The following TDRKH variants were observed in gnomAD, a reference collection of about 807,000 sequenced individuals.
The protein encoded by TDRKH is tudor and KH domain containing.
Under a neutral mutation model 61.3 loss-of-function variants are expected in TDRKH, and 28 were observed. The observed-to-expected ratio is 0.46, with a 90% CI of 0.34 to 0.63. The LOEUF (loss-of-function observed/expected upper bound fraction) is 0.63. TDRKH is among the 20% of genes least tolerant of loss of function. The probability of loss-of-function intolerance (pLI) is 0.01; values close to 1 mark genes in which losing one functional copy is unlikely to be tolerated. For missense variants in TDRKH, 540 were observed against 683.4 expected (o/e 0.79, Z 2.34); for synonymous variants, 219 against 244.4 (o/e 0.90, Z 0.97).
In TDRKH at chr1:151,779,839, T is replaced by C. The variant is rs534424649; in HGVS notation, c.421+112A>G. ...AACCTCTGGTCTCAATGTCCCTTTTTTTCCCCTCACATGGTGAAGGGGAAC... is the reference window on the plus strand; with the variant it reads ...AACCTCTGGTCTCAATGTCCCTTTTCTTCCCCTCACATGGTGAAGGGGAAC... On this transcript the variant is annotated intron_variant, in intron 4 of 12. Coordinates refer to ENST00000368824, the MANE Select transcript of TDRKH (RefSeq NM_001083965.2). The C allele has an allele frequency of 5.2e-6, 6 of 1,157,078 alleles. No individual in the cohort carries two copies. In the East Asian group the frequency reaches 1.2e-4, roughly 23 times the overall value. 71.7% of individuals were successfully genotyped at this position (1,157,078 alleles called of 1,614,324 possible).
chr1:151,774,779 T>G lies in TDRKH; in HGVS notation c.1564A>C (p.Thr522Pro). 6.2e-7 allele frequency: 1 copy of G among 1,614,184 alleles called. No homozygotes were observed. The highest frequency in any genetic ancestry group is 8.5e-7 in the Non-Finnish European group (1 of 1,180,018). Residue 522 changes from threonine (T) to proline (P), a missense_variant, in exon 12 of 13, where the codon ACG becomes CCG. Transcript: ENST00000368824. ...MATETDASLS[T>P]LLTETKKSSG... Reference sequence around the variant, plus strand: ...CTCTTTTTGGTCTCAGTGAGCAACGTGCTGAGAGAGGCATCTGTTTCTGTG... The same window carrying G: ...CTCTTTTTGGTCTCAGTGAGCAACGGGCTGAGAGAGGCATCTGTTTCTGTG...
At chr1:151,770,222 T>C (rs113983315), downstream of TDRKH, 374 of 1,613,800 alleles carry the variant, frequency 2.3e-4, no homozygotes, top group Non-Finnish European at 3.1e-4. Context: ...GTGGACTCTG[T>C]GTTTGTGAAC....
At chr1:151,770,085 GAGAGGGAGACCATGGGGAGACGGAGAC>G, downstream of TDRKH, 1 of 1,449,438 alleles carries the variant, frequency 6.9e-7, no homozygotes, top group Non-Finnish European at 9.3e-7. Context: ...GAGAGAGAGG[GAGAGGGAGACCATGGGGAGACGGAGAC>G]GGAGAGGGAG....
rs1558142804 is a variant in TDRKH, at chr1:151,778,765, T to A, written c.803A>T (p.Glu268Val). 6.2e-7 allele frequency: 1 copy of A among 1,614,182 alleles called. No homozygotes were observed. The highest frequency in any genetic ancestry group is 1.1e-5 in the South Asian group (1 of 91,086). Reference sequence around the variant, plus strand: ...ATCACTAGGTTTCTCCCAGGAACCTTCCTTTGACACTACCACAGCCATGTC... The same window carrying A: ...ATCACTAGGTTTCTCCCAGGAACCTACCTTTGACACTACCACAGCCATGTC... ...GGDMAVVVSK[E>V]GSWEKPSDDS... is the part of the protein sequence containing the mutation. The change falls in exon 6 of 13, where the codon GAA (glutamate) becomes GTA (valine). Residue 268 changes from glutamate to valine, a missense_variant. Physicochemically the swap from Glu to Val is moderately radical, Grantham distance 121. Around this residue, in one of 3 missense-constraint regions of TDRKH, gnomAD observed 379 missense variants for 443.8 expected, o/e 0.85. Coordinates refer to ENST00000368824, the MANE Select transcript of TDRKH (RefSeq NM_001083965.2).
intron 5 of TDRKH, 38 bp from the exon 6 acceptor site, chr1:151,779,044 G>C (rs1477310945): frequency 2.7e-5 from 43 of 1,611,976 alleles, no homozygotes; most frequent in Non-Finnish European, 3.6e-5. Flanking sequence ...TTCTGACCTG[G>C]GATAGAGTAA....
chr1:151,783,334 A>G (rs1650017420), intron 1 of TDRKH: 1 of 172,386 alleles, frequency 5.8e-6, no homozygotes, highest in Non-Finnish European at 1.2e-5. Flanking sequence ...TTTGAAATAT[A>G]TATACTTAGA....
chr1:151,767,127 C>T (rs1648392271), downstream of TDRKH: 2 of 1,611,218 alleles, frequency 1.2e-6, no homozygotes, highest in African/African-American at 2.7e-5. Context: ...ACCTCAGATT[C>T]CAAGATAAAC....
rs368706011 is a variant in TDRKH, at chr1:151,782,885, T to G, written c.124+14A>C. On this transcript the variant is annotated intron_variant, in intron 2 of 12. Transcript: ENST00000368824. ...CTGAACATTTTCACACACACAGTCA[T>G]AGGGTTCACGTACCTCTGCTTTCCC... 1.9e-6 allele frequency: 3 copies of G among 1,591,478 alleles called. No homozygotes were observed. Among genetic ancestry groups the G allele is most frequent in the Non-Finnish European group, 2.6e-6 (3 of 1,171,092 alleles).
chr1:151,775,769 T>C, intron 9 of TDRKH, 51 bp downstream of exon 9: 4 of 1,587,532 alleles, frequency 2.5e-6, no homozygotes, highest in Non-Finnish European at 3.5e-6. Context: ...ATGAACTGTA[T>C]GAAGTTATTC....
chr1:151,783,091 A>G (rs538073070), intron 1 of TDRKH, 42 bp from the exon 2 acceptor site: 1 of 1,568,428 alleles, frequency 6.4e-7, no homozygotes, highest in Non-Finnish European at 8.6e-7. Context: ...GTTTCATCCA[A>G]TCCTTTTATG....
intron 1 of TDRKH, among the ~76,000 whole-genome samples, chr1:151,787,672 A>T (rs1650453493): frequency 6.6e-6 from 1 of 152,022 alleles, no homozygotes. Context: ...AGTCTAGGAA[A>T]CATAAACACC....
Position 151,778,830 on chromosome 1 carries a change from C to G in TDRKH, c.738G>C (p.Pro246=). 6.2e-7 allele frequency: 1 copy of G among 1,614,154 alleles called. No individual in the cohort carries two copies. Among genetic ancestry groups the G allele is most frequent in the Non-Finnish European group, 8.5e-7 (1 of 1,180,030 alleles). Residue 246 remains proline, a synonymous_variant, in exon 6 of 13, where the codon CCG becomes CCC. Coordinates refer to ENST00000368824, the MANE Select transcript of TDRKH (RefSeq NM_001083965.2). ...LWKNTSSSME[P]TAPLVTPPPK... Reference sequence around the variant, plus strand: ...GTGGAGGAGTCACCAGGGGTGCAGTCGGCTCCATGCTAGAACTGGTGTTTT... The same window carrying G: ...GTGGAGGAGTCACCAGGGGTGCAGTGGGCTCCATGCTAGAACTGGTGTTTT...
chr1:151,777,243 G>A (rs1301250858), intron 6 of TDRKH, among the ~76,000 whole-genome samples: 3 of 152,150 alleles, frequency 2.0e-5, no homozygotes, highest in East Asian at 1.9e-4. Flanking sequence ...CCAGGAGTTC[G>A]AGTCCAGCCT....
chr1:151,768,277 G>A (rs777828848), downstream of TDRKH: 1 of 1,572,172 alleles, frequency 6.4e-7, no homozygotes, highest in South Asian at 1.2e-5. Context: ...ATAGGTAGGG[G>A]ATTTCACCCT....
chr1:151,779,297 C>A (rs1430236386), intron 4 of TDRKH, 55 bp from the exon 5 acceptor site: 2 of 1,589,850 alleles, frequency 1.3e-6, no homozygotes, highest in Non-Finnish European at 1.7e-6. Context: ...ACCTTAGCTA[C>A]TGGAGAAATC....
At chr1:151,767,365 G>A, downstream of TDRKH, 3 of 1,563,856 alleles carry the variant, frequency 1.9e-6, no homozygotes, top group Non-Finnish European at 2.6e-6. Flanking sequence ...GCAGAGGAGG[G>A]ACATTAGCAA....
chr1:151,779,181 G>C lies in TDRKH; in HGVS notation c.483C>G (p.Asp161Glu). ...GTAGTAATGTCCCTTCTGATTCTTT[G>C]TCACAGGTAATTTTGGCTCCAGATG... Reference protein sequence around the residue: ...CKASGAKITCDKESEGTLLLS... With the variant: ...CKASGAKITCEKESEGTLLLS... The change falls in exon 5 of 13, where the codon GAC (aspartate) becomes GAG (glutamate). Residue 161 changes from aspartate (D) to glutamate (E), a missense_variant. This residue lies in a region of TDRKH where 156 missense variants were observed against 218.0 expected (regional missense o/e 0.72). Coordinates refer to ENST00000368824, the MANE Select transcript of TDRKH (RefSeq NM_001083965.2). 6.2e-7 allele frequency: 1 copy of C among 1,614,134 alleles called. No individual in the cohort carries two copies. Among genetic ancestry groups the C allele is most frequent in the Non-Finnish European group, 8.5e-7 (1 of 1,180,032 alleles).
In TDRKH at chr1:151,779,024, A is replaced by C; in HGVS notation, c.562-18T>G. Reference sequence around the variant, plus strand: ...ATCAAATGCTGTGGAAAACAAGAGAAAGGATGATATTCTGACCTGGGATAG... The same window carrying C: ...ATCAAATGCTGTGGAAAACAAGAGACAGGATGATATTCTGACCTGGGATAG... On this transcript the variant is annotated intron_variant, in intron 5 of 12. Coordinates refer to ENST00000368824, the MANE Select transcript of TDRKH (RefSeq NM_001083965.2). 1.2e-6 allele frequency: 2 copies of C among 1,612,590 alleles called. No individual in the cohort carries two copies. The highest frequency in any genetic ancestry group is 2.2e-5 in the South Asian group (2 of 91,022).
At chr1:151,767,172 T>C (rs2101553176), downstream of TDRKH, 2 of 1,613,864 alleles carry the variant, frequency 1.2e-6, no homozygotes, top group East Asian at 2.2e-5. Flanking sequence ...GCATCACTTA[T>C]AAGGAAGAGG....
Sources: gnomAD v4.1 joint callset for allele counts (sites outside exome capture counted in the v4.1 genomes callset) on GRCh38, gnomAD v4.1.1 for gene constraint, gnomAD v4.1.1 regional missense constraint, MANE v1.5 for transcripts, NCBI Gene and HGNC (gene_info 2026-07-23, HGNC 2026-07-21) for gene names.